CSMD1: variants seen among roughly 807,000 people sequenced by gnomAD.
CSMD1 encodes CUB and sushi domain-containing protein 1.
Under a neutral mutation model 417.5 loss-of-function variants are expected in CSMD1, and 213 were observed. That is an observed-to-expected ratio of 0.51 (90% CI 0.46 to 0.57). The LOEUF (loss-of-function observed/expected upper bound fraction) is 0.57, where lower values mean the gene tolerates loss of function less well. Ranked by LOEUF, CSMD1 falls within the 20% of genes least tolerant of loss-of-function variation. The pLI is 0.00. For missense variants in CSMD1, 6,923 were observed against 4,529.7 expected, an observed-to-expected ratio of 1.53 and a Z score of -15.17; for synonymous variants, 2,862 against 1,736.8, an observed-to-expected ratio of 1.65 and a Z score of -16.11.
At chr8:3,918,130 A>G (rs958401389) in intron 5 of CSMD1, among the ~76,000 whole-genome samples, 10 of 152,090 alleles carry the variant, frequency 6.6e-5, no homozygotes, top group Non-Finnish European at 1.5e-4. Flanking sequence ...AATCCTGGCA[A>G]TTGCTAATAC....
intron 3 of CSMD1, among the ~76,000 whole-genome samples, chr8:4,238,195 T>C (rs1359740349): frequency 1.3e-5 from 2 of 152,192 alleles, no homozygotes; most frequent in African/African-American, 4.8e-5. Context: ...AGTACGTCGA[T>C]ATTAACACAC....
intron 3 of CSMD1, among the ~76,000 whole-genome samples, chr8:4,384,022 G>C (rs758389445): frequency 6.7e-6 from 1 of 149,692 alleles, no homozygotes. Flanking sequence ...ACCACCCCCC[G>C]CCTCATAACA....
intron 3 of CSMD1, among the ~76,000 whole-genome samples, chr8:4,099,546 C>G (rs1425333536): frequency 1.3e-5 from 2 of 151,942 alleles, no homozygotes; most frequent in African/African-American, 2.4e-5. Context: ...TGTGAACAAA[C>G]TGAAGTACTG....
chr8:3,385,025 A>AATATATAATATATAAAT (rs201974137), intron 18 of CSMD1, among the ~76,000 whole-genome samples: 6 of 113,044 alleles, frequency 5.3e-5, no homozygotes, highest in African/African-American at 1.8e-4. Context: ...ATAATATATA[A>AATATATAATATATAAAT]ATATAATATA....
At chr8:3,289,640 G>T (rs1803403555) in intron 25 of CSMD1, among the ~76,000 whole-genome samples, 1 of 145,598 alleles carries the variant, frequency 6.9e-6, no homozygotes, top group African/African-American at 2.8e-5. Flanking sequence ...AGAAGTGTCT[G>T]TTCATATCCT....
At chr8:4,778,244 T>C (rs1796970250) in intron 1 of CSMD1, among the ~76,000 whole-genome samples, 1 of 152,202 alleles carries the variant, frequency 6.6e-6, no homozygotes, top group African/African-American at 2.4e-5. Context: ...ATAATCTATA[T>C]CAGACATCAG....
At chr8:3,657,068 C>T (rs1050276467) in intron 7 of CSMD1, among the ~76,000 whole-genome samples, 3 of 152,024 alleles carry the variant, frequency 2.0e-5, no homozygotes, top group Non-Finnish European at 4.4e-5. Flanking sequence ...AACTTTTCTT[C>T]TGGAGAGAGT....
intron 21 of CSMD1, among the ~76,000 whole-genome samples, chr8:3,352,151 G>A (rs1808465065): frequency 5.3e-5 from 8 of 152,148 alleles, no homozygotes; most frequent in Admixed American, 5.2e-4. Flanking sequence ...TGAGAAACAT[G>A]GGTGGGGAAG....
intron 23 of CSMD1, among the ~76,000 whole-genome samples, chr8:3,310,828 C>G (rs1344838011): frequency 6.6e-6 from 1 of 150,730 alleles, no homozygotes; most frequent in Non-Finnish European, 1.5e-5. Flanking sequence ...CCTTAACAAA[C>G]CACACCCAAT....
intron 45 of CSMD1, 192 bp from the exon 46 acceptor site, chr8:3,106,833 A>C (rs1816179418): frequency 4.2e-6 from 2 of 470,756 alleles, no homozygotes; most frequent in Non-Finnish European, 7.6e-6. Context: ...ATGCTCTATT[A>C]AGCTTAGCCG....
intron 3 of CSMD1, among the ~76,000 whole-genome samples, chr8:4,390,525 A>ATTTATTTATTTATTTATTTAT (rs1803777435): frequency 6.6e-6 from 1 of 150,608 alleles, no homozygotes; most frequent in South Asian, 2.1e-4. Flanking sequence ...TTATTTATTT[A>ATTTATTTATTTATTTATTTAT]TTTTTTGAGA....
intron 3 of CSMD1, among the ~76,000 whole-genome samples, chr8:4,134,701 C>CCA (rs1054098410): frequency 6.6e-6 from 1 of 152,152 alleles, no homozygotes; most frequent in African/African-American, 2.4e-5. Context: ...TTTCTGTGAA[C>CCA]CACACCACTT....
chr8:3,805,796 C>T (rs1585026189), intron 5 of CSMD1, among the ~76,000 whole-genome samples: 1 of 152,220 alleles, frequency 6.6e-6, no homozygotes, highest in East Asian at 1.9e-4. Context: ...TCATCTCATT[C>T]ACTCTGTGCA....
At chr8:3,339,189 T>C (rs1228078417) in intron 23 of CSMD1, among the ~76,000 whole-genome samples, 1 of 152,162 alleles carries the variant, frequency 6.6e-6, no homozygotes, top group East Asian at 1.9e-4. Flanking sequence ...GGCTGCATAG[T>C]ATTCCATGGT....
intron 7 of CSMD1, among the ~76,000 whole-genome samples, chr8:3,657,447 A>T (rs1205159865): frequency 2.0e-5 from 3 of 152,148 alleles, no homozygotes; most frequent in Non-Finnish European, 4.4e-5. Context: ...AACCAACCCA[A>T]ATGCCCATCA....
chr8:4,244,415 G>C (rs1030583477), intron 3 of CSMD1, among the ~76,000 whole-genome samples: 12 of 152,104 alleles, frequency 7.9e-5, no homozygotes, highest in African/African-American at 2.9e-4. Flanking sequence ...AAAACTAGTA[G>C]AAAAGCAGGC....
intron 5 of CSMD1, among the ~76,000 whole-genome samples, chr8:3,840,693 A>ATTT (rs34360211): frequency 0.013 from 1,780 of 134,786 alleles, 48 homozygotes; most frequent in African/African-American, 0.046. Flanking sequence ...CTTTTTTTTA[A>ATTT]TTTTTTTTTT....
At chr8:4,622,786 A>T (rs1801858689) in intron 2 of CSMD1, among the ~76,000 whole-genome samples, 1 of 152,146 alleles carries the variant, frequency 6.6e-6, no homozygotes, top group Non-Finnish European at 1.5e-5. Context: ...TCAATACAGC[A>T]CCCAAAAGAA....
intron 5 of CSMD1, among the ~76,000 whole-genome samples, chr8:3,954,959 G>A (rs531440131): frequency 6.6e-6 from 1 of 152,300 alleles, no homozygotes; most frequent in Admixed American, 6.5e-5. Flanking sequence ...TCTCCCTGGG[G>A]TCTGCATTCA....
Sources: gnomAD v4.1 joint callset for allele counts (sites outside exome capture counted in the v4.1 genomes callset) on GRCh38, gnomAD v4.1.1 for gene constraint, MANE v1.5 for transcripts, NCBI Gene and HGNC (gene_info 2026-07-23, HGNC 2026-07-21) for gene names.